Variants in ROBO2 observed in about 807,000 individuals in gnomAD.
ROBO2 encodes the protein roundabout homolog 2.
Under a neutral mutation model 160.8 loss-of-function variants are expected in ROBO2, and 53 were observed. The ratio of observed to expected loss-of-function variants is 0.33; its 90% CI spans 0.26 to 0.41. The LOEUF is 0.41. Ranked by LOEUF, ROBO2 falls within the 10% of genes least tolerant of loss-of-function variation. The pLI, the probability that ROBO2 is intolerant of heterozygous loss-of-function variation, is 1.00. For synonymous variants in ROBO2, 664 were observed against 611.7 expected (o/e 1.09, Z -1.26); for missense variants, 1,577 against 1,722.4 (o/e 0.92, Z 1.49).
At chr3:76,539,827 A>C (rs530199994) in intron 2 of ROBO2, among the ~76,000 whole-genome samples, 1 of 152,340 alleles carries the variant, frequency 6.6e-6, no homozygotes, top group South Asian at 2.1e-4. Flanking sequence ...AGAAGATGAT[A>C]AGAGAATACT....
At chr3:76,171,699 T>A (rs2107006574) in intron 2 of ROBO2, among the ~76,000 whole-genome samples, 1 of 152,186 alleles carries the variant, frequency 6.6e-6, no homozygotes, top group East Asian at 1.9e-4. Context: ...CCCTTTTTTT[T>A]TAGGTAGGAG....
chr3:76,851,766 T>A (rs1035137689), intron 2 of ROBO2, among the ~76,000 whole-genome samples: 6,225 of 118,274 alleles, frequency 0.053, 365 homozygotes, highest in East Asian at 0.12. Context: ...AAAAAAAAAA[T>A]ATTAACATGT....
chr3:76,504,368 C>T (rs769702323), intron 2 of ROBO2, among the ~76,000 whole-genome samples: 2 of 152,042 alleles, frequency 1.3e-5, no homozygotes, highest in African/African-American at 2.4e-5. Flanking sequence ...CAACGGCCAG[C>T]GCCTAATGAC....
chr3:77,012,560 T>C (rs1460058512), intron 2 of ROBO2, among the ~76,000 whole-genome samples: 1 of 152,140 alleles, frequency 6.6e-6, no homozygotes, highest in East Asian at 1.9e-4. Flanking sequence ...CATGGATAGA[T>C]AAAAAATAAG....
intron 2 of ROBO2, among the ~76,000 whole-genome samples, chr3:76,084,947 C>A (rs556231343): frequency 1.3e-5 from 2 of 151,934 alleles, no homozygotes; most frequent in Non-Finnish European, 1.5e-5. Flanking sequence ...TGAATTAGTA[C>A]CCAACTACAT....
intron 2 of ROBO2, among the ~76,000 whole-genome samples, chr3:76,445,465 G>A (rs183403701): frequency 1.3e-5 from 2 of 152,208 alleles, no homozygotes; most frequent in Non-Finnish European, 2.9e-5. Flanking sequence ...AATATTCTCC[G>A]TGGAGCTGGT....
intron 2 of ROBO2, among the ~76,000 whole-genome samples, chr3:77,145,550 C>T (rs889260092): frequency 2.0e-5 from 3 of 151,810 alleles, no homozygotes; most frequent in East Asian, 1.9e-4. Context: ...TAGGCTTTTA[C>T]GTGTTTTAAA....
At chr3:76,555,358 G>GAGAAGAAGAAGAGGAAGAAGAAGAAGA (rs2083651804) in intron 2 of ROBO2, among the ~76,000 whole-genome samples, 1 of 57,932 alleles carries the variant, frequency 1.7e-5, no homozygotes, top group African/African-American at 5.2e-5. Context: ...AGTAGGAAGA[G>GAGAAGAAGAAGAGGAAGAAGAAGAAGA]AGAAGAAGAA....
chr3:76,077,517 C>G (rs148971274), intron 2 of ROBO2, among the ~76,000 whole-genome samples: 1 of 152,056 alleles, frequency 6.6e-6, no homozygotes, highest in Non-Finnish European at 1.5e-5. Context: ...GAACCAAGAT[C>G]GTGCCACTGC....
intron 2 of ROBO2, among the ~76,000 whole-genome samples, chr3:77,467,538 TA>T (rs2082886691): frequency 6.6e-6 from 1 of 152,188 alleles, no homozygotes. Flanking sequence ...CCTGTAAATG[TA>T]AATTCTTTAA....
chr3:77,198,827 C>T (rs1156996354), intron 2 of ROBO2, among the ~76,000 whole-genome samples: 14 of 151,796 alleles, frequency 9.2e-5, no homozygotes, highest in Admixed American at 2.6e-4. Flanking sequence ...CGCTTGAACC[C>T]GGGAGGTGGA....
intron 2 of ROBO2, among the ~76,000 whole-genome samples, chr3:76,074,461 T>C (rs936458049): frequency 6.6e-6 from 1 of 152,176 alleles, no homozygotes; most frequent in African/African-American, 2.4e-5. Context: ...GCCCGATTAA[T>C]TGGTAATGTG....
At chr3:76,752,065 A>G (rs139498808) in intron 2 of ROBO2, among the ~76,000 whole-genome samples, 2,750 of 152,168 alleles carry the variant, frequency 0.018, 69 homozygotes, top group African/African-American at 0.058. Context: ...ATGATAGACT[A>G]GATTAAGAAA....
intron 2 of ROBO2, among the ~76,000 whole-genome samples, chr3:76,250,424 A>T (rs139701785): frequency 2.6e-5 from 4 of 152,180 alleles, no homozygotes; most frequent in African/African-American, 9.6e-5. Flanking sequence ...CAAAAATCAC[A>T]CTGGGTGTGA....
At chr3:76,939,467 AG>A (rs1319376581) in intron 2 of ROBO2, among the ~76,000 whole-genome samples, 1 of 152,262 alleles carries the variant, frequency 6.6e-6, no homozygotes, top group South Asian at 2.1e-4. Context: ...CAAAATTTAA[AG>A]GCTTGTGAAC....
intron 2 of ROBO2, among the ~76,000 whole-genome samples, chr3:77,206,588 C>A (rs913883509): frequency 2.0e-5 from 3 of 152,084 alleles, no homozygotes; most frequent in South Asian, 2.1e-4. Flanking sequence ...TTTATAGGTA[C>A]TGGGATTTAG....
chr3:76,801,925 G>A (rs1303255848), intron 2 of ROBO2, among the ~76,000 whole-genome samples: 1 of 152,038 alleles, frequency 6.6e-6, no homozygotes, highest in Non-Finnish European at 1.5e-5. Flanking sequence ...TTTGTCTCAG[G>A]AAATAGGGAG....
At chr3:77,646,013 C>T (rs546161215) in intron 25 of ROBO2, 41 bp from the exon 28 acceptor site, 12 of 1,473,996 alleles carry the variant, frequency 8.1e-6, no homozygotes, top group East Asian at 2.3e-5. Context: ...AAGCAGAATG[C>T]TTAATTTATA....
chr3:77,054,108 G>A (rs1244480964), intron 1 of ROBO2, among the ~76,000 whole-genome samples: 1 of 152,136 alleles, frequency 6.6e-6, no homozygotes, highest in Non-Finnish European at 1.5e-5. Flanking sequence ...AGATTCTTTA[G>A]GAAGATGCTT....
Sources: allele counts gnomAD v4.1 joint callset (sites outside exome capture counted in the v4.1 genomes callset), GRCh38; gene constraint gnomAD v4.1.1; transcripts MANE v1.5; gene names NCBI Gene and HGNC (gene_info 2026-07-23, HGNC 2026-07-21).